SLC39A11: variants seen among roughly 807,000 people sequenced by gnomAD.
SLC39A11 encodes the protein zinc transporter ZIP11.
Under a neutral mutation model 36.1 loss-of-function variants are expected in SLC39A11, and 33 were observed. The observed-to-expected ratio is 0.91, with a 90% CI of 0.69 to 1.22. The LOEUF (loss-of-function observed/expected upper bound fraction) is 1.22, where lower values mean the gene tolerates loss of function less well. SLC39A11 is among the 50% of genes most tolerant of loss of function. SLC39A11 has a pLI of 0.00. For missense variants in SLC39A11, 432 were observed against 430.3 expected, an observed-to-expected ratio of 1.00 and a Z score of -0.03; for synonymous variants, 166 against 170.3, an observed-to-expected ratio of 0.97 and a Z score of 0.20.
chr17:72,840,714 G>T (rs1185050828), intron 6 of SLC39A11, among the ~76,000 whole-genome samples: 2 of 152,074 alleles, frequency 1.3e-5, no homozygotes, highest in South Asian at 4.2e-4. Flanking sequence ...CTGAGATCGC[G>T]CCACTGCACT....
chr17:72,665,771 GTCTT>G (rs980480071), intron 7 of SLC39A11, among the ~76,000 whole-genome samples: 3 of 152,006 alleles, frequency 2.0e-5, no homozygotes, highest in African/African-American at 7.3e-5. Flanking sequence ...CTAAAACCTA[GTCTT>G]TCTCTTTCTT....
In SLC39A11 at chr17:72,661,549, T is replaced by C. The variant is rs142125978; in HGVS notation, c.672-12281A>G. On this transcript the variant is annotated intron_variant, in intron 7 of 9. Coordinates refer to ENST00000255559, the MANE Select transcript of SLC39A11 (RefSeq NM_139177.4). ...GTGTGGCAGGCCCTTACATACTGTT[T>C]TGATTGTTATCATCTTGCCGTGAAA... is the stretch of plus-strand genomic sequence containing the variant. Among the ~76,000 whole-genome samples, 141 of 152,330 alleles carry C rather than the reference T, an allele frequency of 9.3e-4. 1 individual carries two copies. Among genetic ancestry groups the C allele is most frequent in the African/African-American group, 3.1e-3 (130 of 41,584 alleles).
intron 3 of SLC39A11, among the ~76,000 whole-genome samples, chr17:73,038,155 C>T (rs2058984957): frequency 6.6e-6 from 1 of 151,764 alleles, no homozygotes; most frequent in Non-Finnish European, 1.5e-5. Context: ...ACCCGGGAGG[C>T]GGAGGTGGCA....
chr17:73,087,905 C>G (rs145427066), intron 2 of SLC39A11, among the ~76,000 whole-genome samples: 1 of 152,300 alleles, frequency 6.6e-6, no homozygotes, highest in African/African-American at 2.4e-5. Context: ...CTCCCAAGGT[C>G]TTTCCAACCA....
At chr17:72,824,597 A>G (rs2077934929) in intron 6 of SLC39A11, among the ~76,000 whole-genome samples, 1 of 151,272 alleles carries the variant, frequency 6.6e-6, no homozygotes, top group Non-Finnish European at 1.5e-5. Context: ...AAAGTTGGGA[A>G]CTTCCTAGAG....
intron 4 of SLC39A11, among the ~76,000 whole-genome samples, chr17:73,008,918 AG>A (rs1210521205): frequency 6.6e-6 from 1 of 151,984 alleles, no homozygotes; most frequent in African/African-American, 2.4e-5. Flanking sequence ...TAAAATAGGC[AG>A]GCGTGGCAGC....
chr17:72,865,294 T>C (rs1264464027), intron 5 of SLC39A11, among the ~76,000 whole-genome samples: 1 of 150,970 alleles, frequency 6.6e-6, no homozygotes, highest in East Asian at 2.0e-4. Context: ...GCAAGATTCA[T>C]GGAATTCTGC....
chr17:72,804,127 C>T (rs568819071), intron 6 of SLC39A11, among the ~76,000 whole-genome samples: 219 of 152,292 alleles, frequency 1.4e-3, no homozygotes, highest in Admixed American at 2.7e-3. Flanking sequence ...TCCCGAGTAG[C>T]TGGGACTACA....
chr17:73,061,194 T>C (rs529281102), intron 3 of SLC39A11, among the ~76,000 whole-genome samples: 1 of 152,250 alleles, frequency 6.6e-6, no homozygotes, highest in South Asian at 2.1e-4. Context: ...ACCCCGTCTC[T>C]ACTGAAAATA....
chr17:72,898,048 G>A (rs1427380720), intron 5 of SLC39A11, among the ~76,000 whole-genome samples: 2 of 152,132 alleles, frequency 1.3e-5, no homozygotes, highest in Non-Finnish European at 2.9e-5. Flanking sequence ...AGTGTCACCA[G>A]TAAAGCCCAG....
At chr17:72,730,780 C>G (rs941334495) in intron 7 of SLC39A11, among the ~76,000 whole-genome samples, 1 of 152,172 alleles carries the variant, frequency 6.6e-6, no homozygotes, top group Non-Finnish European at 1.5e-5. Context: ...TTGCCTCAGC[C>G]CCCTGAGTAG....
intron 5 of SLC39A11, among the ~76,000 whole-genome samples, chr17:72,911,514 AG>A (rs2082995333): frequency 6.6e-6 from 1 of 151,590 alleles, no homozygotes; most frequent in South Asian, 2.1e-4. Context: ...TCCTGTCTGG[AG>A]TGCCCTTACC....
intron 3 of SLC39A11, among the ~76,000 whole-genome samples, chr17:73,050,785 C>T (rs1389118703): frequency 6.6e-6 from 1 of 152,026 alleles, no homozygotes; most frequent in East Asian, 1.9e-4. Flanking sequence ...TTTTAAAGCT[C>T]TCTTCTGGGG....
At chr17:72,784,474 T>C (rs2076432692) in intron 6 of SLC39A11, among the ~76,000 whole-genome samples, 1 of 152,136 alleles carries the variant, frequency 6.6e-6, no homozygotes, top group Non-Finnish European at 1.5e-5. Context: ...GCAGAGAGCA[T>C]TTTCTAGGGC....
At chr17:72,918,922 G>A (rs2083480045) in intron 5 of SLC39A11, among the ~76,000 whole-genome samples, 1 of 152,058 alleles carries the variant, frequency 6.6e-6, no homozygotes. Flanking sequence ...AATTAGCTGG[G>A]CGTGGTGGTA....
intron 5 of SLC39A11, among the ~76,000 whole-genome samples, chr17:72,865,005 G>C (rs955593666): frequency 6.6e-6 from 1 of 152,118 alleles, no homozygotes; most frequent in Non-Finnish European, 1.5e-5. Context: ...GAAGGATAAA[G>C]ATAAACCAAA....
intron 7 of SLC39A11, among the ~76,000 whole-genome samples, chr17:72,671,708 C>A (rs1286389977): frequency 7.0e-6 from 1 of 143,350 alleles, no homozygotes; most frequent in Admixed American, 7.2e-5. Context: ...GCAGCAAGAG[C>A]AAAACTGTCT....
intron 6 of SLC39A11, among the ~76,000 whole-genome samples, chr17:72,833,823 CACA>C (rs1292781226): frequency 2.6e-5 from 4 of 152,136 alleles, no homozygotes; most frequent in Non-Finnish European, 5.9e-5. Context: ...CAAGTCCCGG[CACA>C]ACTCGCAACC....
At chr17:73,086,959 G>A (rs2060752227) in intron 2 of SLC39A11, among the ~76,000 whole-genome samples, 2 of 152,096 alleles carry the variant, frequency 1.3e-5, no homozygotes, top group Non-Finnish European at 1.5e-5. Flanking sequence ...GGGAGGCTGA[G>A]GCAGAAGAAC....
Sources: gnomAD v4.1 joint callset for allele counts (sites outside exome capture counted in the v4.1 genomes callset) on GRCh38, gnomAD v4.1.1 for gene constraint, MANE v1.5 for transcripts, NCBI Gene and HGNC (gene_info 2026-07-23, HGNC 2026-07-21) for gene names.